The following BEAN1 variants were observed in gnomAD, a reference collection of about 807,000 sequenced individuals.
BEAN1 encodes brain expressed associated with NEDD4 1, also known as protein BEAN1.
BEAN1 carries 17 observed loss-of-function variants against 17.7 expected under a neutral mutation model. The ratio of observed to expected loss-of-function variants is 0.96; its 90% CI spans 0.66 to 1.44. BEAN1 has a LOEUF of 1.44. Among genes scored for constraint, BEAN1 ranks in the 40% most tolerant of loss-of-function variants. The probability of loss-of-function intolerance (pLI) is 0.00; values close to 1 mark genes in which losing one functional copy is unlikely to be tolerated. For missense variants in BEAN1, 359 were observed against 374.1 expected (o/e 0.96, Z 0.33); for synonymous variants, 142 against 151.8 (o/e 0.94, Z 0.47).
chr16:66,433,629 C>T (rs1156963639), intron 1 of BEAN1, among the ~76,000 whole-genome samples: 1 of 152,192 alleles, frequency 6.6e-6, no homozygotes, highest in Non-Finnish European at 1.5e-5. Flanking sequence ...GGCAGGGGCT[C>T]ACCACCTCAT....
At position 66,473,732 on chromosome 16, in the gene BEAN1, A is replaced by AAAT. The variant is rs1263890558; in HGVS notation, c.290-3825_290-3823dup. On this transcript the variant is annotated intron_variant, in intron 3 of 4. Coordinates refer to ENST00000536005, the MANE Select transcript of BEAN1 (RefSeq NM_001178020.3). This position sits in a 1 kb window ranked among gnomAD's most constrained non-coding sequence, Gnocchi z 4.5. ...AATAAATAAATAAATAATAAATAAT[A>AAAT]AATAAAGAGGGAGGGGCAGTGTACC... Among the ~76,000 whole-genome samples the AAAT allele has an allele frequency of 6.6e-6, 1 of 151,878 alleles. No individual in the cohort carries two copies. The highest frequency in any genetic ancestry group is 1.9e-4 in the East Asian group (1 of 5,190).
intron 2 of BEAN1, among the ~76,000 whole-genome samples, chr16:66,455,946 CG>C (rs1288745415): frequency 6.6e-6 from 1 of 152,206 alleles, no homozygotes; most frequent in African/African-American, 2.4e-5. Context: ...CTCAGGCTCC[CG>C]ATGTGCCGGG....
Position 66,458,151 on chromosome 16 carries a change from C to T in BEAN1, c.26-11451C>T, listed in dbSNP as rs143229654. Among the ~76,000 whole-genome samples the T allele has an allele frequency of 7.5e-3, 1,146 of 152,300 alleles. 14 individuals are homozygous for T. Among genetic ancestry groups the T allele is most frequent in the African/African-American group, 0.026 (1,063 of 41,550 alleles). On this transcript the variant is annotated intron_variant, in intron 2 of 4. Transcript: ENST00000536005. ...CTGAGAGAGTGGGCAGGATTGGCAG[C>T]CTGAAGGTGCTGAGTCAGCACTTTT...
In BEAN1 at chr16:66,481,753, G is replaced by A. The variant is rs577582688; in HGVS notation, c.*828G>A. On this transcript the variant is annotated 3_prime_UTR_variant, in exon 5 of 5. Transcript: ENST00000536005. The surrounding 1 kb of genome is among the most constrained non-coding windows in gnomAD (Gnocchi z 4.1). The stretch of plus-strand genomic sequence containing the variant: ...GACTAAGGGTCTTCAAGGAAGATGA[G>A]GCCATTGCCCTTCTCCAGGTGGCTT... 1.3e-5 allele frequency: 2 copies of A among 153,076 alleles called. No homozygotes were observed. Among genetic ancestry groups the A allele is most frequent in the East Asian group, 1.9e-4 (1 of 5,204 alleles). The allele number at this position is 153,076 out of a possible 1,614,324, so 9.5% of individuals were successfully genotyped here. A position where few individuals can be genotyped will look rare whatever the true frequency, so the allele number is the denominator to read the frequency against.
At chr16:66,446,751 G>A (rs189755408) in intron 2 of BEAN1, among the ~76,000 whole-genome samples, 16 of 152,222 alleles carry the variant, frequency 1.1e-4, no homozygotes, top group Middle Eastern at 3.4e-3. Context: ...CCCTGGGGTC[G>A]TCACCCATGG....
intron 2 of BEAN1, among the ~76,000 whole-genome samples, chr16:66,441,676 C>T (rs766124730): frequency 1.3e-5 from 2 of 152,156 alleles, no homozygotes; most frequent in African/African-American, 4.8e-5. Flanking sequence ...AGTCAGTGCA[C>T]GTGAGGTCTG....
Position 66,480,888 on chromosome 16 carries a change from C to A in BEAN1, c.743C>A (p.Thr248Asn), listed in dbSNP as rs1157229630. Residue 248 changes from threonine (T) to asparagine (N), a missense_variant, in exon 5 of 5, where the codon ACC (threonine) becomes AAC (asparagine). Transcript: ENST00000536005. ...GGCTCCCAGGGCTCACCCACCCCAA[C>A]CCGGGCCCCAGCCTCTGGCCCAGAG... Reference protein sequence around the residue: ...PRGSQGSPTPTRAPASGPERI... With the variant: ...PRGSQGSPTPNRAPASGPERI... The A allele has an allele frequency of 1.2e-5, 17 of 1,467,508 alleles. No individual in the cohort carries two copies. Among genetic ancestry groups the A allele is most frequent in the Non-Finnish European group, 1.5e-5 (17 of 1,104,932 alleles). 90.9% of individuals were successfully genotyped at this position (1,467,508 alleles called of 1,614,324 possible).
At chr16:66,483,467 G>A (rs1275548084), downstream of BEAN1, 1 of 152,716 alleles carries the variant, frequency 6.5e-6, no homozygotes, top group African/African-American at 2.4e-5. Flanking sequence ...CTGATGGCTT[G>A]TACCACCAGG....
At chr16:66,437,950 G>A (rs1304565461) in intron 2 of BEAN1, 9 of 600,012 alleles carry the variant, frequency 1.5e-5, no homozygotes, top group East Asian at 5.7e-5. Flanking sequence ...AGTGTGGATC[G>A]GAGTTCCTCT....
Position 66,469,836 on chromosome 16 carries a change from G to A in BEAN1, c.260G>A (p.Arg87His), listed in dbSNP as rs768531415. The A allele has an allele frequency of 4.7e-5, 72 of 1,532,002 alleles. 2 individuals carry two copies. In the South Asian group the frequency reaches 5.3e-4, roughly 11 times the overall value. The allele number at this position is 1,532,002 out of a possible 1,614,324, so 94.9% of individuals were successfully genotyped here. A position where few individuals can be genotyped will look rare whatever the true frequency, so the allele number is the denominator to read the frequency against. The change falls in exon 3 of 5, where the codon CGT (arginine) becomes CAT (histidine). Residue 87 changes from arginine to histidine, a missense_variant. Transcript: ENST00000536005. ...CACCACCATCATCACCACCGCCGGC[G>A]TCGACACCGAGAGTACGAGCACGGC... Reference protein sequence around the residue: ...HHHHHHHHRRRRHREYEHGYV... With the variant: ...HHHHHHHHRRHRHREYEHGYV...
downstream of BEAN1, chr16:66,485,213 G>T: frequency 2.4e-6 from 1 of 414,538 alleles, no homozygotes; most frequent in Non-Finnish European, 4.9e-6. Context: ...CAAGTTCCTA[G>T]AGATACCCCT....
At chr16:66,458,540 G>A (rs1463258848) in intron 2 of BEAN1, among the ~76,000 whole-genome samples, 1 of 152,058 alleles carries the variant, frequency 6.6e-6, no homozygotes, top group Admixed American at 6.5e-5. Context: ...GTGACAGAAC[G>A]AGGAACAGAG....
chr16:66,447,559 T>C (rs1231686594), intron 2 of BEAN1, among the ~76,000 whole-genome samples: 1 of 152,090 alleles, frequency 6.6e-6, no homozygotes, highest in African/African-American at 2.4e-5. Flanking sequence ...AGAGAACACA[T>C]CTTCTCTCTC....
chr16:66,466,276 C>CA (rs904217271), intron 2 of BEAN1, among the ~76,000 whole-genome samples: 16 of 151,438 alleles, frequency 1.1e-4, no homozygotes, highest in East Asian at 5.9e-4. Flanking sequence ...GACTCTGTCT[C>CA]AAAAAAAACA....
At chr16:66,462,226 GC>G (rs1288595162) in intron 2 of BEAN1, among the ~76,000 whole-genome samples, 1 of 152,202 alleles carries the variant, frequency 6.6e-6, no homozygotes, top group Non-Finnish European at 1.5e-5. Context: ...ATGGAGGAGA[GC>G]CTCACCTTGC....
intron 1 of BEAN1, among the ~76,000 whole-genome samples, chr16:66,430,745 T>C (rs2142367820): frequency 6.6e-6 from 1 of 152,342 alleles, no homozygotes; most frequent in South Asian, 2.1e-4. Context: ...AACATCTATA[T>C]ATCTTATTCA....
In BEAN1 at chr16:66,451,492, C is replaced by T. The variant is rs1323681039; in HGVS notation, c.25+13791C>T. 2.0e-5 allele frequency: 3 copies of T among 152,162 alleles called. No individual in the cohort carries two copies. In the East Asian group the frequency reaches 5.8e-4, roughly 29 times the overall value. The allele number at this position is 152,162 out of a possible 1,614,324, so 9.4% of individuals were successfully genotyped here. On this transcript the variant is annotated intron_variant, in intron 2 of 4. Coordinates refer to ENST00000536005, the MANE Select transcript of BEAN1 (RefSeq NM_001178020.3). The stretch of plus-strand genomic sequence containing the variant: ...TTTAAATGGTTAGTATCTTCTGTGT[C>T]CTGTTTAAGAAATGCAAGGTCATGA...
At chr16:66,493,563 G>A (rs1451569737), downstream of BEAN1, 7 of 574,932 alleles carry the variant, frequency 1.2e-5, no homozygotes, top group Admixed American at 1.3e-4. Context: ...AGCCTGAAGG[G>A]AAACCAACTC....
chr16:66,456,089 T>C (rs1962855966), intron 2 of BEAN1, among the ~76,000 whole-genome samples: 2 of 152,214 alleles, frequency 1.3e-5, no homozygotes, highest in South Asian at 4.1e-4. Context: ...GCTCAGTCAC[T>C]GTGGCCTAGG....
Sources: gnomAD v4.1 joint callset for allele counts (sites outside exome capture counted in the v4.1 genomes callset) on GRCh38, gnomAD v4.1.1 for gene constraint, Gnocchi (gnomAD v3.1) non-coding constraint, MANE v1.5 for transcripts, NCBI Gene and HGNC (gene_info 2026-07-23, HGNC 2026-07-21) for gene names.